The following DCANP1 variants were observed in gnomAD, a reference collection of about 807,000 sequenced individuals.
The protein encoded by DCANP1 is dendritic cell nuclear protein 1.
For synonymous variants in DCANP1, 139 were observed against 124.2 expected (o/e 1.12, Z -0.79); for missense variants, 328 against 293.7 (o/e 1.12, Z -0.85).
In DCANP1 at chr5:135,446,317, A is replaced by C; in HGVS notation, c.*57T>G. On this transcript the variant is annotated 3_prime_UTR_variant, in exon 1 of 1. Coordinates refer to ENST00000503143, the MANE Select transcript of DCANP1 (RefSeq NM_130848.3). The stretch of plus-strand genomic sequence containing the variant: ...TGGGAGCAGCGTTCATGTGCACTGT[A>C]TGTTCGTGTTTAGTGTATGTCTGTG... 1.3e-6 allele frequency: 2 copies of C among 1,535,074 alleles called. No individual in the cohort carries two copies. The highest frequency in any genetic ancestry group is 1.8e-6 in the Non-Finnish European group (2 of 1,139,434).
In DCANP1 at chr5:135,446,716, A is replaced by T; in HGVS notation, c.393T>A (p.His131Gln). The T allele has an allele frequency of 6.2e-7, 1 of 1,613,846 alleles. No homozygotes were observed. Among genetic ancestry groups the T allele is most frequent in the Non-Finnish European group, 8.5e-7 (1 of 1,179,778 alleles). The change falls in exon 1 of 1, where the codon CAT (histidine) becomes CAA (glutamine). Residue 131 changes from histidine to glutamine, a missense_variant. Coordinates refer to ENST00000503143, the MANE Select transcript of DCANP1 (RefSeq NM_130848.3). ...GGTAGAGTCTGAAACTACAAACCAG[A>T]TGTTTCCGGGCTCCCTCCCGCCTGG... ...GQTRREGARK[H>Q]LVCSFRLYPF...
Position 135,446,867 on chromosome 5 carries a change from A to G in DCANP1, c.242T>C (p.Leu81Pro). The part of the protein sequence containing the change: ...GRNKTLPAGV[L>P]REGAVQFLHR... ...GAGGAATTGAACTGCCCCCTCTCGC[A>G]GGACCCCAGCTGGCAAGGTTTTGTT... Residue 81 changes from leucine (L) to proline (P), a missense_variant, in exon 1 of 1, where the codon CTG (leucine) becomes CCG (proline). By Grantham distance (98) the Leu-to-Pro change is moderately conservative. Coordinates refer to ENST00000503143, the MANE Select transcript of DCANP1 (RefSeq NM_130848.3). 1.2e-6 allele frequency: 2 copies of G among 1,613,882 alleles called. No individual in the cohort carries two copies. The highest frequency in any genetic ancestry group is 2.2e-5 in the East Asian group (1 of 44,872).
At position 135,446,848 on chromosome 5, in the gene DCANP1, T is replaced by C. The variant is rs143874043; in HGVS notation, c.261A>G (p.Gln87=). ...PAGVLREGAV[Q]FLHRGLCNSN... is the part of the protein sequence containing the mutation. ...AGTTGCAGAGTCCCCTGTGGAGGAA[T>C]TGAACTGCCCCCTCTCGCAGGACCC... Residue 87 remains glutamine, a synonymous_variant, in exon 1 of 1, where the codon CAA becomes CAG. Coordinates refer to ENST00000503143, the MANE Select transcript of DCANP1 (RefSeq NM_130848.3). 9 of 1,613,804 alleles carry C rather than the reference T, an allele frequency of 5.6e-6. No homozygotes were observed. The African/African-American group carries it at 1.1e-4, about 19-fold the overall frequency.
At chr5:135,447,058 CA>C in the DCANP1 span, 1 of 1,613,926 alleles carries the variant, frequency 6.2e-7, no homozygotes, top group South Asian at 1.1e-5. Flanking sequence ...GTACAGTCTC[CA>C]GGCCGTGGCT....
In DCANP1 at chr5:135,445,510, C is replaced by T. The variant is rs1472314115; in HGVS notation, c.*864G>A. 6.6e-6 allele frequency: 1 copy of T among 152,392 alleles called. No individual in the cohort carries two copies. 9.4% of individuals were successfully genotyped at this position (152,392 alleles called of 1,614,324 possible). ...ACTGCCCATGCCGGGCCTGAGGGGCCTGGCTCAGACTTTAGTATCCAAGGG... is the reference window on the plus strand; with the variant it reads ...ACTGCCCATGCCGGGCCTGAGGGGCTTGGCTCAGACTTTAGTATCCAAGGG... On this transcript the variant is annotated 3_prime_UTR_variant, in exon 1 of 1. Coordinates refer to ENST00000503143, the MANE Select transcript of DCANP1 (RefSeq NM_130848.3).
rs1211215016 is a variant in DCANP1, at chr5:135,444,409, A to C, written c.*1965T>G. 1 of 152,288 alleles carries C rather than the reference A, an allele frequency of 6.6e-6. No homozygotes were observed. Among genetic ancestry groups the C allele is most frequent in the African/African-American group, 2.4e-5 (1 of 41,462 alleles). The allele number at this position is 152,288 out of a possible 1,614,324, so 9.4% of individuals were successfully genotyped here. On this transcript the variant is annotated 3_prime_UTR_variant, in exon 1 of 1. Coordinates refer to ENST00000503143, the MANE Select transcript of DCANP1 (RefSeq NM_130848.3). ...GGTGCGGTGTCCGGTGAACGGCTGCAATGCAGGTTAGGCTGCCACCATGAG... is the reference window on the plus strand; with the variant it reads ...GGTGCGGTGTCCGGTGAACGGCTGCCATGCAGGTTAGGCTGCCACCATGAG...
In DCANP1 at chr5:135,444,970, C is replaced by G. The variant is rs950112261; in HGVS notation, c.*1404G>C. On this transcript the variant is annotated 3_prime_UTR_variant, in exon 1 of 1. Coordinates refer to ENST00000503143, the MANE Select transcript of DCANP1 (RefSeq NM_130848.3). ...GTGAGGCGGGTGTTGCAAGTGGACG[C>G]GTCGGGGGTGGTCTGCACGGGCTGG... The G allele has an allele frequency of 6.6e-6, 1 of 152,564 alleles. No homozygotes were observed. The highest frequency in any genetic ancestry group is 2.1e-4 in the South Asian group (1 of 4,830). 9.5% of individuals were successfully genotyped at this position (152,564 alleles called of 1,614,324 possible). A position where few individuals can be genotyped will look rare whatever the true frequency, so the allele number is the denominator to read the frequency against.
chr5:135,445,565 C>G lies in DCANP1; in HGVS notation c.*809G>C, dbSNP rs1001559869. The G allele has an allele frequency of 6.6e-6, 1 of 152,516 alleles. No individual in the cohort carries two copies. The highest frequency in any genetic ancestry group is 1.5e-5 in the Non-Finnish European group (1 of 68,288). 9.4% of individuals were successfully genotyped at this position (152,516 alleles called of 1,614,324 possible). On this transcript the variant is annotated 3_prime_UTR_variant, in exon 1 of 1. Coordinates refer to ENST00000503143, the MANE Select transcript of DCANP1 (RefSeq NM_130848.3). ...GCTGCCTTGACCACCAGAGCCCCCC[C>G]GTCTGTGCATCTGTCCTCTGTTCAG... is the stretch of plus-strand genomic sequence containing the variant.
rs908378014 is a variant in DCANP1, at chr5:135,446,986, G to T, written c.123C>A (p.His41Gln). The T allele has an allele frequency of 3.1e-6, 5 of 1,613,132 alleles. No homozygotes were observed. The highest frequency in any genetic ancestry group is 1.3e-5 in the African/African-American group (1 of 74,930). The change falls in exon 1 of 1, where the codon CAC becomes CAA. Residue 41 changes from histidine to glutamine, a missense_variant. Physicochemically the swap from His to Gln is conservative, Grantham distance 24 (BLOSUM62 0). Coordinates refer to ENST00000503143, the MANE Select transcript of DCANP1 (RefSeq NM_130848.3). ...GGETPEFPGC[H>Q]SPAPPENFGN... is the part of the protein sequence containing the mutation. ...CAAAGTTCTCTGGTGGAGCTGGGGA[G>T]TGGCACCCTGGGAACTCTGGGGTTT...
Position 135,446,540 on chromosome 5 carries a change from G to C in DCANP1, c.569C>G (p.Ser190Cys). 1 of 1,614,018 alleles carries C rather than the reference G, an allele frequency of 6.2e-7. No homozygotes were observed. Among genetic ancestry groups the C allele is most frequent in the Admixed American group, 1.7e-5 (1 of 60,024 alleles). The change falls in exon 1 of 1, where the codon TCT (serine) becomes TGT (cysteine). Residue 190 changes from serine to cysteine, a missense_variant. Transcript: ENST00000503143. ...AGCCTGACGGTTCCAGCTGTTAGGA[G>C]AAAGTGAAGGTGGGTGCCATGGATC... Reference protein sequence around the residue: ...SSDPWHPPSLSPNSWNRQAGF... With the variant: ...SSDPWHPPSLCPNSWNRQAGF...
chr5:135,446,168 T>C lies in DCANP1; in HGVS notation c.*206A>G. On this transcript the variant is annotated 3_prime_UTR_variant, in exon 1 of 1. Transcript: ENST00000503143. ...GGTAAGTACTGTGAACTTTCCCGTT[T>C]TCTACAAGAAGAAACTGTGGCACGG... 1.7e-6 allele frequency: 1 copy of C among 603,132 alleles called. No individual in the cohort carries two copies. Among genetic ancestry groups the C allele is most frequent in the Non-Finnish European group, 2.7e-6 (1 of 363,724 alleles). 37.4% of individuals were successfully genotyped at this position (603,132 alleles called of 1,614,324 possible). A position where few individuals can be genotyped will look rare whatever the true frequency, so the allele number is the denominator to read the frequency against.
In DCANP1 at chr5:135,446,724, G is replaced by T. The variant is rs12518053; in HGVS notation, c.385C>A (p.Arg129=). The part of the protein sequence containing the change: ...KTGQTRREGA[R]KHLVCSFRLY... ...CTGAAACTACAAACCAGATGTTTCC[G>T]GGCTCCCTCCCGCCTGGTCTGGCCT... The change falls in exon 1 of 1, where the codon CGG becomes AGG. Residue 129 remains arginine (R), a synonymous_variant. Coordinates refer to ENST00000503143, the MANE Select transcript of DCANP1 (RefSeq NM_130848.3). 795,394 of 1,613,234 alleles carry T rather than the reference G, an allele frequency of 0.49. 204,121 individuals carry two copies. Among genetic ancestry groups the T allele is most frequent in the African/African-American group, 0.89 (67,108 of 75,000 alleles).
chr5:135,446,673 CTG>C, the DCANP1 span: 2 of 1,613,932 alleles, frequency 1.2e-6, no homozygotes, highest in Non-Finnish European at 1.7e-6. Flanking sequence ...CCCGGTGAGA[CTG>C]TGTGAACTGT....
Position 135,446,933 on chromosome 5 carries a change from G to T in DCANP1, c.176C>A (p.Pro59His), listed in dbSNP as rs750912756. 3 of 1,612,690 alleles carry T rather than the reference G, an allele frequency of 1.9e-6. No individual in the cohort carries two copies. The highest frequency in any genetic ancestry group is 1.7e-6 in the Non-Finnish European group (2 of 1,179,286). ...GAGACCCTCACTGAGGCCCTGGAGA[G>T]GGGCACTCAGGGGCAGCAGCTCATT... is the stretch of plus-strand genomic sequence containing the variant. ...FGNELLPLSA[P>H]LQGLSEGLYP... The change falls in exon 1 of 1, where the codon CCT becomes CAT. Residue 59 changes from proline (P) to histidine (H), a missense_variant. By Grantham distance (77) the Pro-to-His change is moderately conservative. Coordinates refer to ENST00000503143, the MANE Select transcript of DCANP1 (RefSeq NM_130848.3).
Position 135,446,676 on chromosome 5 carries a change from TGTG to T in DCANP1, c.430_432del (p.His144del), listed in dbSNP as rs1769271002. ...AGGTGTGAGTTTCCCGGTGAGACTG[TGTG>T]AACTGTGAACGGGTAGAGTCTGAAA... On this transcript the variant is annotated inframe_deletion, in exon 1 of 1. Coordinates refer to ENST00000503143, the MANE Select transcript of DCANP1 (RefSeq NM_130848.3). 1.2e-6 allele frequency: 2 copies of T among 1,613,914 alleles called. No individual in the cohort carries two copies. The highest frequency in any genetic ancestry group is 3.3e-5 in the Admixed American group (2 of 60,008).
Position 135,445,004 on chromosome 5 carries a change from G to A in DCANP1, c.*1370C>T, listed in dbSNP as rs574290878. ...TGGTCTGCACGGGCTGGCCTGCATA[G>A]CCCAGGGGTGGAGAGAGGGGTCAGA... is the stretch of plus-strand genomic sequence containing the variant. On this transcript the variant is annotated 3_prime_UTR_variant, in exon 1 of 1. Coordinates refer to ENST00000503143, the MANE Select transcript of DCANP1 (RefSeq NM_130848.3). The A allele has an allele frequency of 2.6e-5, 4 of 152,466 alleles. No individual in the cohort carries two copies. Among genetic ancestry groups the A allele is most frequent in the Non-Finnish European group, 4.4e-5 (3 of 68,148 alleles). The allele number at this position is 152,466 out of a possible 1,614,324, so 9.4% of individuals were successfully genotyped here. A position where few individuals can be genotyped will look rare whatever the true frequency, so the allele number is the denominator to read the frequency against.
chr5:135,446,454 T>C lies in DCANP1; in HGVS notation c.655A>G (p.Ser219Gly), dbSNP rs561282122. Residue 219 changes from serine (S) to glycine (G), a missense_variant, in exon 1 of 1, where the codon AGC (serine) becomes GGC (glycine). Physicochemically the swap from Ser to Gly is moderately conservative, Grantham distance 56. Transcript: ENST00000503143. ...SLSLTCSDSQSRRVSSSQQPP... is the reference protein window; with the variant it reads ...SLSLTCSDSQGRRVSSSQQPP... The stretch of plus-strand genomic sequence containing the variant: ...TGTTGGGAGGAACTCACCCGCCTGC[T>C]CTGGCTGTCTGAGCAGGTGAGGGAT... The C allele has an allele frequency of 6.2e-7, 1 of 1,613,836 alleles. No individual in the cohort carries two copies. Among genetic ancestry groups the C allele is most frequent in the African/African-American group, 1.3e-5 (1 of 75,046 alleles).
Position 135,447,128 on chromosome 5 carries a change from T to C in DCANP1, c.-20A>G. 1 of 1,613,958 alleles carries C rather than the reference T, an allele frequency of 6.2e-7. No individual in the cohort carries two copies. The highest frequency in any genetic ancestry group is 1.1e-5 in the South Asian group (1 of 91,072). The stretch of plus-strand genomic sequence containing the variant: ...ATGCATAGTTGGGGGACCATTTTGG[T>C]CAGTGACAGATCACTGCTGCTTTTC... On this transcript the variant is annotated 5_prime_UTR_variant, in exon 1 of 1. Transcript: ENST00000503143.
At position 135,447,297 on chromosome 5, in the gene DCANP1, A is replaced by G. The variant is rs1769289200; in HGVS notation, c.-189T>C. The stretch of plus-strand genomic sequence containing the variant: ...GTTGCCTACCAGGTCCGTGGCTACA[A>G]CTAAATCCCTAGTTGGGGAATCACA... On this transcript the variant is annotated 5_prime_UTR_variant, in exon 1 of 1. Transcript: ENST00000503143. 4.4e-6 allele frequency: 3 copies of G among 681,246 alleles called. No individual in the cohort carries two copies. Among genetic ancestry groups the G allele is most frequent in the East Asian group, 2.8e-5 (1 of 36,312 alleles). 42.2% of individuals were successfully genotyped at this position (681,246 alleles called of 1,614,324 possible). A position where few individuals can be genotyped will look rare whatever the true frequency, so the allele number is the denominator to read the frequency against.
Sources: gnomAD v4.1 joint callset for allele counts on GRCh38, gnomAD v4.1.1 for gene constraint, MANE v1.5 for transcripts, NCBI Gene and HGNC (gene_info 2026-07-23, HGNC 2026-07-21) for gene names.